SETBP1: variants seen among roughly 807,000 people sequenced by gnomAD.
SETBP1 encodes the protein SET binding protein 1.
In SETBP1, 9 loss-of-function variants were observed where a neutral mutation model predicts 101.0. The observed-to-expected ratio is 0.09, with a 90% confidence interval of 0.05 to 0.16. SETBP1 has a LOEUF of 0.16. Among genes scored for constraint, SETBP1 ranks in the 10% least tolerant of loss-of-function variants. SETBP1 has a pLI of 1.00. For synonymous variants in SETBP1, 818 were observed against 788.5 expected (o/e 1.04, Z -0.63); for missense variants, 1,858 against 2,033.8 (o/e 0.91, Z 1.66).
chr18:44,721,175 G>A (rs2069585119), intron 2 of SETBP1, among the ~76,000 whole-genome samples: 1 of 152,140 alleles, frequency 6.6e-6, no homozygotes, highest in Non-Finnish European at 1.5e-5. Flanking sequence ...TTTTTTTGAA[G>A]AAGTAATTGA....
intron 2 of SETBP1, among the ~76,000 whole-genome samples, chr18:44,712,570 T>A (rs1294119175): frequency 6.6e-6 from 1 of 152,146 alleles, no homozygotes; most frequent in African/African-American, 2.4e-5. Flanking sequence ...TCTTATCCTT[T>A]GGGGGCAGCA....
chr18:44,812,151 G>T (rs1185130996), intron 2 of SETBP1, among the ~76,000 whole-genome samples: 1 of 152,072 alleles, frequency 6.6e-6, no homozygotes, highest in Non-Finnish European at 1.5e-5. Flanking sequence ...GTAAGTCTCT[G>T]CAGACATGGC....
intron 4 of SETBP1, among the ~76,000 whole-genome samples, chr18:44,971,657 G>C (rs895152631): frequency 1.3e-5 from 2 of 152,132 alleles, no homozygotes; most frequent in East Asian, 1.9e-4. Flanking sequence ...CATGTCTTTT[G>C]GCTGCATAAA....
Position 45,017,593 on chromosome 18 carries a change from A to G in SETBP1, c.4001-20892A>G, listed in dbSNP as rs140492407. 5.8e-3 allele frequency among the ~76,000 whole-genome samples: 883 copies of G among 152,380 alleles called. 12 individuals are homozygous for G. The highest frequency in any genetic ancestry group is 0.02 in the African/African-American group (824 of 41,588). Reference sequence around the variant, plus strand: ...GTGACAGAGACAAAGAGGTGGCTGTAAAGGTGGCTATCAATGTTTTGGCAA... The same window carrying G: ...GTGACAGAGACAAAGAGGTGGCTGTGAAGGTGGCTATCAATGTTTTGGCAA... On this transcript the variant is annotated intron_variant, in intron 4 of 5. Transcript: ENST00000649279.
At chr18:44,855,608 A>T (rs1308599716) in intron 2 of SETBP1, among the ~76,000 whole-genome samples, 3 of 152,144 alleles carry the variant, frequency 2.0e-5, no homozygotes, top group South Asian at 2.1e-4. Context: ...TCTCTTTCCA[A>T]CTCTGCAATC....
intron 2 of SETBP1, among the ~76,000 whole-genome samples, chr18:44,843,936 T>C (rs2072672293): frequency 6.6e-6 from 1 of 152,130 alleles, no homozygotes; most frequent in Non-Finnish European, 1.5e-5. Context: ...TTCCACAAAT[T>C]AAGTCTCCAT....
intron 2 of SETBP1, among the ~76,000 whole-genome samples, chr18:44,727,891 G>A (rs995916351): frequency 1.3e-5 from 2 of 152,094 alleles, no homozygotes; most frequent in East Asian, 3.9e-4. Context: ...AGCTGTGCTA[G>A]AGAGTTAGTG....
At position 44,795,144 on chromosome 18, in the gene SETBP1, G is replaced by C. The variant is rs1325763269; in HGVS notation, c.487-74086G>C. 3.3e-5 allele frequency among the ~76,000 whole-genome samples: 5 copies of C among 152,150 alleles called. No individual in the cohort carries two copies. In the South Asian group the frequency reaches 8.3e-4, roughly 25 times the overall value. ...GTTATTGTGAATAAGGTCACTGCTT[G>C]CCATAGTCAATGGTCTACCAGTTCC... On this transcript the variant is annotated intron_variant, in intron 2 of 5. Transcript: ENST00000649279.
intron 2 of SETBP1, among the ~76,000 whole-genome samples, chr18:44,747,953 G>C (rs1027163642): frequency 6.6e-6 from 1 of 152,186 alleles, no homozygotes; most frequent in African/African-American, 2.4e-5. Flanking sequence ...CCCTGGCAGA[G>C]AGCATAGGTC....
chr18:44,735,208 T>C (rs1421884561), intron 2 of SETBP1, among the ~76,000 whole-genome samples: 2 of 152,232 alleles, frequency 1.3e-5, no homozygotes. Context: ...TCATCTGTGG[T>C]CATGTGTGCT....
At chr18:44,980,980 G>A (rs1472073282) in intron 4 of SETBP1, among the ~76,000 whole-genome samples, 1 of 152,180 alleles carries the variant, frequency 6.6e-6, no homozygotes, top group Non-Finnish European at 1.5e-5. Context: ...TAAATCAGTG[G>A]TTCCCAAAGT....
intron 3 of SETBP1, among the ~76,000 whole-genome samples, chr18:44,933,211 G>A (rs1235107689): frequency 2.6e-5 from 4 of 152,216 alleles, no homozygotes; most frequent in Non-Finnish European, 5.9e-5. Context: ...AGTTTGCTGA[G>A]GTCCCCTCCA....
chr18:44,953,450 A>T (rs1284765063), intron 4 of SETBP1, 110 bp downstream of exon 4: 5 of 957,476 alleles, frequency 5.2e-6, no homozygotes, highest in African/African-American at 3.2e-5. Flanking sequence ...AAGAGGTGGG[A>T]ATCAAATTAA....
intron 2 of SETBP1, among the ~76,000 whole-genome samples, chr18:44,781,450 T>G (rs1312931881): frequency 6.9e-6 from 1 of 145,150 alleles, no homozygotes; most frequent in Non-Finnish European, 1.5e-5. Flanking sequence ...TTTGCACCGC[T>G]CTCTCTCTCT....
In SETBP1 at chr18:44,785,532, A is replaced by G. The variant is rs558241697; in HGVS notation, c.487-83698A>G. ...TCTATGTTTTCTCTTTTGAGCATTA[A>G]GGAAGCTTTCTCTGGATACAAATGT... On this transcript the variant is annotated intron_variant, in intron 2 of 5. Coordinates refer to ENST00000649279, the MANE Select transcript of SETBP1 (RefSeq NM_015559.3). Among the ~76,000 whole-genome samples, 6 of 152,324 alleles carry G rather than the reference A, an allele frequency of 3.9e-5. No homozygotes were observed. The South Asian group carries it at 6.2e-4, about 16-fold the overall frequency.
chr18:44,865,574 G>A (rs2069111365), intron 2 of SETBP1, among the ~76,000 whole-genome samples: 1 of 152,222 alleles, frequency 6.6e-6, no homozygotes, highest in South Asian at 2.1e-4. Flanking sequence ...ATTAGTGCCT[G>A]AGGTTCAGCT....
intron 4 of SETBP1, among the ~76,000 whole-genome samples, chr18:44,996,044 A>G (rs1414388311): frequency 1.3e-5 from 2 of 152,242 alleles, no homozygotes; most frequent in Non-Finnish European, 2.9e-5. Context: ...ACAGGTCCAC[A>G]GTGAAATTCA....
At chr18:45,039,644 A>C (rs1179828201) in intron 5 of SETBP1, among the ~76,000 whole-genome samples, 1 of 152,244 alleles carries the variant, frequency 6.6e-6, no homozygotes, top group Non-Finnish European at 1.5e-5. Flanking sequence ...ATATTTCTTG[A>C]ATTAACATAT....
intron 4 of SETBP1, among the ~76,000 whole-genome samples, chr18:44,980,223 A>T (rs189071926): frequency 6.6e-6 from 1 of 152,348 alleles, no homozygotes; most frequent in East Asian, 1.9e-4. Flanking sequence ...GTGTCAGGAC[A>T]TGTATTTTAT....
Sources: gnomAD v4.1 joint callset for allele counts (sites outside exome capture counted in the v4.1 genomes callset) on GRCh38, gnomAD v4.1.1 for gene constraint, MANE v1.5 for transcripts, NCBI Gene and HGNC (gene_info 2026-07-23, HGNC 2026-07-21) for gene names.